TEAD1: variants seen among roughly 807,000 people sequenced by gnomAD.
TEAD1 encodes transcriptional enhancer factor TEF-1.
A neutral mutation model predicts 54.9 loss-of-function variants in TEAD1; 9 were observed. That is an observed-to-expected ratio of 0.16 (90% CI 0.10 to 0.29). The LOEUF (loss-of-function observed/expected upper bound fraction) is 0.29. TEAD1 is among the 10% of genes least tolerant of loss of function. TEAD1 has a pLI of 1.00. For missense variants in TEAD1, 387 were observed against 535.9 expected (o/e 0.72, Z 2.74); for synonymous variants, 200 against 187.8 (o/e 1.07, Z -0.53).
intron 3 of TEAD1, among the ~76,000 whole-genome samples, chr11:12,813,254 T>C (rs894827994): frequency 6.6e-6 from 1 of 152,184 alleles, no homozygotes; most frequent in Non-Finnish European, 1.5e-5. Context: ...GGTGGAAGGA[T>C]GCCAGGGAAG....
chr11:12,859,011 A>G (rs919117005), intron 3 of TEAD1, among the ~76,000 whole-genome samples: 1 of 152,208 alleles, frequency 6.6e-6, no homozygotes, highest in Non-Finnish European at 1.5e-5. Context: ...CATAGAAAAG[A>G]CAGTAAAAAC....
chr11:12,722,974 AT>A (rs113854877), intron 2 of TEAD1, among the ~76,000 whole-genome samples: 19,082 of 147,388 alleles, frequency 0.13, 4,091 homozygotes, highest in African/African-American at 0.45. Context: ...GGACATCTAG[AT>A]TTTTTTTTTT....
Position 12,682,796 on chromosome 11 carries a change from G to T in TEAD1, c.-55+7235G>T, listed in dbSNP as rs191369303. Among the ~76,000 whole-genome samples, 5 of 152,310 alleles carry T rather than the reference G, an allele frequency of 3.3e-5. No homozygotes were observed. The East Asian group carries it at 9.6e-4, about 29-fold the overall frequency. On this transcript the variant is annotated intron_variant, in intron 2 of 12. Transcript: ENST00000527636. ...CCTGCCCGGCAGAGTTTACAGATTA[G>T]CAAGGAAAACAGGCATGTACAGAGG...
chr11:12,818,467 G>A (rs575429500), intron 3 of TEAD1, among the ~76,000 whole-genome samples: 78 of 152,270 alleles, frequency 5.1e-4, no homozygotes, highest in African/African-American at 1.8e-3. Context: ...CCTCCCTGGG[G>A]ACATGTCTGG....
At position 12,715,985 on chromosome 11, in the gene TEAD1, A is replaced by G. The variant is rs532086768; in HGVS notation, c.-55+40424A>G. On this transcript the variant is annotated intron_variant, in intron 2 of 12. Coordinates refer to ENST00000527636, the MANE Select transcript of TEAD1 (RefSeq NM_021961.6). ...TTTTTTACAGTAAAAATCTTGGCCAAGGAATCATTTCCTAGCTCACCCTCC... is the reference window on the plus strand; with the variant it reads ...TTTTTTACAGTAAAAATCTTGGCCAGGGAATCATTTCCTAGCTCACCCTCC... 5.9e-5 allele frequency among the ~76,000 whole-genome samples: 9 copies of G among 152,186 alleles called. No homozygotes were observed. In the South Asian group the frequency reaches 1.7e-3, roughly 28 times the overall value.
chr11:12,903,807 G>A (rs1227677039), intron 10 of TEAD1, among the ~76,000 whole-genome samples: 1 of 151,926 alleles, frequency 6.6e-6, no homozygotes, highest in Admixed American at 6.6e-5. Flanking sequence ...GCAAGACCCT[G>A]TTCCAAAAAA....
chr11:12,843,843 A>C (rs1947088829), intron 3 of TEAD1, among the ~76,000 whole-genome samples: 1 of 152,204 alleles, frequency 6.6e-6, no homozygotes, highest in Non-Finnish European at 1.5e-5. Flanking sequence ...TTCTGTGGTC[A>C]CTTTTTTGTT....
rs117099564 is a variant in TEAD1 at position 12,778,520 on chromosome 11, C to T, written c.202+14086C>T. On this transcript the variant is annotated intron_variant, in intron 3 of 12. Transcript: ENST00000527636. ...ACTTTTAACTGTCCATTAAAGGCCT[C>T]ATCAGACTCTTTTTTTTTTTTTTTT... Among the ~76,000 whole-genome samples the T allele has an allele frequency of 6.2e-3, 927 of 148,952 alleles. 5 individuals carry two copies. The highest frequency in any genetic ancestry group is 9.9e-3 in the Non-Finnish European group (670 of 67,562).
At position 12,840,119 on chromosome 11, in the gene TEAD1, C is replaced by T. The variant is rs141664016; in HGVS notation, c.203-22131C>T. Among the ~76,000 whole-genome samples, 1,300 of 151,604 alleles carry T rather than the reference C, an allele frequency of 8.6e-3. 13 individuals carry two copies. Among genetic ancestry groups the T allele is most frequent in the African/African-American group, 0.028 (1,158 of 41,338 alleles). On this transcript the variant is annotated intron_variant, in intron 3 of 12. Coordinates refer to ENST00000527636, the MANE Select transcript of TEAD1 (RefSeq NM_021961.6). ...AAAATTAGCCAGGTGTGGTGGCGGG[C>T]GCCTGTAGTCCCAGCTACTTGGGAG...
chr11:12,859,318 C>T (rs1194784838), intron 3 of TEAD1, among the ~76,000 whole-genome samples: 1 of 150,068 alleles, frequency 6.7e-6, no homozygotes, highest in Non-Finnish European at 1.5e-5. Context: ...GGGTAGGAGA[C>T]ATTTTTGTCA....
At chr11:12,896,091 G>A (rs904440578) in intron 9 of TEAD1, among the ~76,000 whole-genome samples, 5 of 151,870 alleles carry the variant, frequency 3.3e-5, no homozygotes, top group Admixed American at 6.6e-5. Flanking sequence ...TGCACACAGC[G>A]TGGTTAATGT....
At chr11:12,740,829 C>T (rs1944636722) in intron 2 of TEAD1, among the ~76,000 whole-genome samples, 1 of 152,074 alleles carries the variant, frequency 6.6e-6, no homozygotes, top group Non-Finnish European at 1.5e-5. Flanking sequence ...GCAGCCAAAC[C>T]ATATCAGTTG....
At chr11:12,727,136 A>T (rs1944329008) in intron 2 of TEAD1, among the ~76,000 whole-genome samples, 1 of 152,206 alleles carries the variant, frequency 6.6e-6, no homozygotes, top group Non-Finnish European at 1.5e-5. Context: ...GCTACTTGGG[A>T]AGCTGAGGCA....
At chr11:12,699,615 A>C (rs569251350) in intron 2 of TEAD1, among the ~76,000 whole-genome samples, 1 of 152,158 alleles carries the variant, frequency 6.6e-6, no homozygotes, top group Non-Finnish European at 1.5e-5. Context: ...ATTTCTCTCA[A>C]TAAAACTAGT....
chr11:12,889,218 C>G (rs1351509399), intron 9 of TEAD1, among the ~76,000 whole-genome samples: 1 of 152,208 alleles, frequency 6.6e-6, no homozygotes, highest in Non-Finnish European at 1.5e-5. Flanking sequence ...CCAGGGTGGG[C>G]TATTTAAAAG....
At chr11:12,829,699 C>T (rs992354709) in intron 3 of TEAD1, among the ~76,000 whole-genome samples, 1 of 152,210 alleles carries the variant, frequency 6.6e-6, no homozygotes, top group Non-Finnish European at 1.5e-5. Flanking sequence ...TAGCCTTTTA[C>T]TGTCCAGTTG....
intron 3 of TEAD1, among the ~76,000 whole-genome samples, chr11:12,855,027 A>C (rs1402369908): frequency 3.3e-5 from 5 of 152,170 alleles, no homozygotes; most frequent in African/African-American, 1.2e-4. Flanking sequence ...TTGCTGGGAC[A>C]AGTTGCTATG....
At chr11:12,675,081 G>C (rs1367143411) in intron 1 of TEAD1, among the ~76,000 whole-genome samples, 1 of 146,296 alleles carries the variant, frequency 6.8e-6, no homozygotes, top group African/African-American at 2.5e-5. Flanking sequence ...CTGGGAGCCC[G>C]CGCGGCAACA....
At chr11:12,885,336 C>T (rs910304989) in intron 9 of TEAD1, among the ~76,000 whole-genome samples, 31 of 150,880 alleles carry the variant, frequency 2.1e-4, no homozygotes, top group African/African-American at 5.1e-4. Flanking sequence ...CCCGGGTTCA[C>T]GCCATTCTCC....
Sources: allele counts gnomAD v4.1 joint callset (sites outside exome capture counted in the v4.1 genomes callset), GRCh38; gene constraint gnomAD v4.1.1; transcripts MANE v1.5; gene names NCBI Gene and HGNC (gene_info 2026-07-23, HGNC 2026-07-21).